The following DYM variants were observed in gnomAD, a reference collection of about 807,000 sequenced individuals.
The protein encoded by DYM is dyggve-Melchior-Clausen syndrome protein.
A neutral mutation model predicts 93.1 loss-of-function variants in DYM; 78 were observed. The ratio of observed to expected loss-of-function variants is 0.84; its 90% CI spans 0.70 to 1.01. The LOEUF is 1.01. DYM is among the 50% of genes least tolerant of loss of function. The pLI is 0.00. For missense variants in DYM, 789 were observed against 845.0 expected (o/e 0.93, Z 0.82); for synonymous variants, 321 against 319.7 (o/e 1.00, Z -0.04).
intron 1 of DYM, among the ~76,000 whole-genome samples, chr18:49,445,371 C>G (rs746161945): frequency 6.6e-6 from 1 of 152,102 alleles, no homozygotes; most frequent in African/African-American, 2.4e-5. Flanking sequence ...GTACAGAAAC[C>G]ATTCTCTTTT....
intron 6 of DYM, among the ~76,000 whole-genome samples, chr18:49,351,024 G>A (rs2147164035): frequency 6.6e-6 from 1 of 152,138 alleles, no homozygotes; most frequent in Admixed American, 6.5e-5. Context: ...TCCAGTATCT[G>A]ACTTGAACAT....
chr18:49,308,356 T>C (rs956557136), intron 8 of DYM, among the ~76,000 whole-genome samples: 2 of 152,086 alleles, frequency 1.3e-5, no homozygotes, highest in Non-Finnish European at 2.9e-5. Context: ...GAAGATGTGA[T>C]GGCTGGAGCT....
chr18:49,275,634 T>G (rs992391267), intron 10 of DYM, among the ~76,000 whole-genome samples: 1 of 152,124 alleles, frequency 6.6e-6, no homozygotes, highest in African/African-American at 2.4e-5. Flanking sequence ...CCCAGCACTT[T>G]AGGAGGCCAA....
intron 8 of DYM, among the ~76,000 whole-genome samples, chr18:49,324,353 T>G (rs767176211): frequency 6.6e-6 from 1 of 152,086 alleles, no homozygotes; most frequent in Non-Finnish European, 1.5e-5. Context: ...AATCTTTAAT[T>G]GGCAAATTTT....
chr18:49,209,448 G>T (rs2092678367), intron 14 of DYM, 103 bp downstream of exon 14: 1 of 772,534 alleles, frequency 1.3e-6, no homozygotes, highest in Non-Finnish European at 1.7e-6. Context: ...AAATATAAAT[G>T]TTCTCTTTAA....
intron 1 of DYM, among the ~76,000 whole-genome samples, chr18:49,438,461 A>G (rs77242667): frequency 0.091 from 13,899 of 152,238 alleles, 854 homozygotes; most frequent in East Asian, 0.31. Flanking sequence ...TAAAGTAGAA[A>G]ACAGCTGGAG....
At chr18:49,245,945 A>G (rs1019515911) in intron 13 of DYM, among the ~76,000 whole-genome samples, 2 of 152,210 alleles carry the variant, frequency 1.3e-5, no homozygotes, top group Non-Finnish European at 2.9e-5. Flanking sequence ...AAGAACCTAC[A>G]TTGAAATATT....
At chr18:49,160,494 T>C (rs1340043921) in intron 15 of DYM, among the ~76,000 whole-genome samples, 1 of 151,718 alleles carries the variant, frequency 6.6e-6, no homozygotes, top group African/African-American at 2.4e-5. Context: ...AACATGTCCT[T>C]ATTTTTAAGT....
chr18:49,281,735 T>C (rs1434868740), intron 10 of DYM, among the ~76,000 whole-genome samples: 5 of 152,046 alleles, frequency 3.3e-5, no homozygotes, highest in Admixed American at 2.0e-4. Context: ...TTCTCACTCA[T>C]AGGTGGGAAC....
chr18:49,292,650 A>G (rs964195518), intron 8 of DYM, among the ~76,000 whole-genome samples: 1 of 151,240 alleles, frequency 6.6e-6, no homozygotes, highest in African/African-American at 2.4e-5. Context: ...TGTCCACCAG[A>G]AAAATAAGGA....
At chr18:49,109,477 C>T (rs548793466) in intron 16 of DYM, among the ~76,000 whole-genome samples, 1 of 152,298 alleles carries the variant, frequency 6.6e-6, no homozygotes, top group Non-Finnish European at 1.5e-5. Context: ...TACTACTTGA[C>T]ACTGTGAAGA....
chr18:49,208,044 G>A (rs916139797), intron 14 of DYM, among the ~76,000 whole-genome samples: 3 of 151,800 alleles, frequency 2.0e-5, no homozygotes, highest in East Asian at 1.9e-4. Flanking sequence ...TTAGCCAGGC[G>A]TGGTGGTGCA....
chr18:49,258,847 G>GAGAGAGAGAGAGAGCAC (rs1568120281), intron 11 of DYM, among the ~76,000 whole-genome samples: 5 of 57,038 alleles, frequency 8.8e-5, no homozygotes, highest in African/African-American at 4.4e-4. Context: ...CACAGAGAGA[G>GAGAGAGAGAGAGAGCAC]AGAGAGAGAG....
intron 13 of DYM, among the ~76,000 whole-genome samples, chr18:49,214,687 G>A (rs1316300299): frequency 2.6e-5 from 4 of 152,150 alleles, no homozygotes; most frequent in Admixed American, 6.5e-5. Flanking sequence ...TATTTGACAT[G>A]AGAAACAAAT....
At position 49,289,727 on chromosome 18, in the gene DYM, G is replaced by GTATATATA. The variant is rs386387632; in HGVS notation, c.764-3119_764-3112dup. On this transcript the variant is annotated intron_variant, in intron 8 of 17. Coordinates refer to ENST00000675505, the MANE Select transcript of DYM (RefSeq NM_001353214.3). ...CCCTATCTCAAATATATATATATGT[G>GTATATATA]TATATATATATATATATATATATAT... Among the ~76,000 whole-genome samples the GTATATATA allele has an allele frequency of 1.5e-3, 126 of 84,956 alleles. 1 individual carries two copies. The highest frequency in any genetic ancestry group is 1.9e-3 in the Non-Finnish European group (89 of 47,416). 55.7% of individuals were successfully genotyped at this position (84,956 alleles called of 152,430 possible).
At chr18:49,300,612 A>T (rs927750160) in intron 8 of DYM, among the ~76,000 whole-genome samples, 11 of 152,108 alleles carry the variant, frequency 7.2e-5, no homozygotes, top group African/African-American at 2.4e-4. Context: ...AAAAAAAAAA[A>T]GGTTTCTACA....
chr18:49,219,524 T>G (rs1320916908), intron 13 of DYM, among the ~76,000 whole-genome samples: 3 of 152,000 alleles, frequency 2.0e-5, no homozygotes, highest in Admixed American at 1.3e-4. Flanking sequence ...ACTGGCAAAC[T>G]GAATCCAGCA....
At chr18:49,343,581 AT>A (rs1029559259) in intron 6 of DYM, among the ~76,000 whole-genome samples, 26 of 152,210 alleles carry the variant, frequency 1.7e-4, no homozygotes, top group African/African-American at 6.3e-4. Context: ...CGCAACTAGA[AT>A]TTATATCTTA....
intron 13 of DYM, among the ~76,000 whole-genome samples, chr18:49,214,418 G>C (rs189876751): frequency 2.6e-5 from 4 of 152,248 alleles, no homozygotes; most frequent in Admixed American, 2.0e-4. Context: ...AAGTGGAACG[G>C]TTTCATCCCA....
Sources: gnomAD v4.1 joint callset for allele counts (sites outside exome capture counted in the v4.1 genomes callset) on GRCh38, gnomAD v4.1.1 for gene constraint, MANE v1.5 for transcripts, NCBI Gene and HGNC (gene_info 2026-07-23, HGNC 2026-07-21) for gene names.